CTNND2: variants seen among roughly 807,000 people sequenced by gnomAD.
CTNND2 encodes the protein catenin delta 2, also known as catenin delta-2.
A neutral mutation model predicts 144.4 loss-of-function variants in CTNND2; 22 were observed. That is an observed-to-expected ratio of 0.15 (90% CI 0.11 to 0.22). CTNND2 has a LOEUF of 0.22. Ranked by LOEUF, CTNND2 falls within the 10% of genes least tolerant of loss-of-function variation. The pLI is 1.00. For synonymous variants in CTNND2, 751 were observed against 695.6 expected, an observed-to-expected ratio of 1.08 and a Z score of -1.25; for missense variants, 1,353 against 1,618.8, an observed-to-expected ratio of 0.84 and a Z score of 2.82.
At chr5:11,051,735 A>C (rs997075337) in intron 16 of CTNND2, among the ~76,000 whole-genome samples, 6 of 152,178 alleles carry the variant, frequency 3.9e-5, no homozygotes, top group African/African-American at 1.4e-4. Context: ...ATATCCACCA[A>C]CTATTCATTA....
chr5:11,674,128 T>C (rs73743015), intron 2 of CTNND2, among the ~76,000 whole-genome samples: 1,796 of 152,322 alleles, frequency 0.012, 28 homozygotes, highest in African/African-American at 0.042. Context: ...TAAGTGTTGA[T>C]TCTTTGAATA....
In CTNND2 at chr5:11,007,703, T is replaced by C. The variant is rs146125914; in HGVS notation, c.3084+10271A>G. Among the ~76,000 whole-genome samples, 118 of 152,364 alleles carry C rather than the reference T, an allele frequency of 7.7e-4. 1 individual carries two copies. The East Asian group carries it at 0.022, about 28-fold the overall frequency. The stretch of plus-strand genomic sequence containing the variant: ...AAGGTTGAAGCCAATTGGTAATTAC[T>C]GTGGAAGTATTTCCAACGAAATGAC... On this transcript the variant is annotated intron_variant, in intron 18 of 21. Coordinates refer to ENST00000304623, the MANE Select transcript of CTNND2 (RefSeq NM_001332.4).
At chr5:11,398,281 A>G (rs1244865512) in intron 5 of CTNND2, among the ~76,000 whole-genome samples, 2 of 152,196 alleles carry the variant, frequency 1.3e-5, no homozygotes, top group African/African-American at 4.8e-5. Context: ...AGTATGAGCA[A>G]ATTTCAAGTT....
chr5:11,690,930 G>A lies in CTNND2; in HGVS notation c.174+41206C>T, dbSNP rs114071000. Among the ~76,000 whole-genome samples, 585 of 152,152 alleles carry A rather than the reference G, an allele frequency of 3.8e-3. 6 individuals are homozygous for A. Among genetic ancestry groups the A allele is most frequent in the African/African-American group, 0.013 (536 of 41,538 alleles). On this transcript the variant is annotated intron_variant, in intron 2 of 21. Transcript: ENST00000304623. ...CAGCATATTAACCTGAAAACACGTTGAAAATGAAAAGTGAAATTTTAGTTA... is the reference window on the plus strand; with the variant it reads ...CAGCATATTAACCTGAAAACACGTTAAAAATGAAAAGTGAAATTTTAGTTA...
intron 9 of CTNND2, among the ~76,000 whole-genome samples, chr5:11,269,230 C>T (rs1038444012): frequency 2.1e-4 from 32 of 152,304 alleles, no homozygotes; most frequent in African/African-American, 7.2e-4. Context: ...CGAGGCAGTG[C>T]GCTTTGAACA....
chr5:11,513,692 T>TA (rs374374416), intron 3 of CTNND2, among the ~76,000 whole-genome samples: 1,715 of 149,900 alleles, frequency 0.011, 17 homozygotes, highest in Non-Finnish European at 0.015. Context: ...GTGCGGCTGT[T>TA]AAAAAAAAAA....
chr5:11,116,022 G>C (rs969488564), intron 13 of CTNND2, among the ~76,000 whole-genome samples: 4 of 152,266 alleles, frequency 2.6e-5, no homozygotes, highest in East Asian at 1.9e-4. Flanking sequence ...TCATATTAAA[G>C]CTCTATCTAC....
intron 1 of CTNND2, among the ~76,000 whole-genome samples, chr5:11,814,341 G>A (rs534708961): frequency 2.0e-5 from 3 of 152,332 alleles, no homozygotes; most frequent in South Asian, 4.1e-4. Flanking sequence ...GTCCCCAGTG[G>A]ACAAACATCT....
In CTNND2 at chr5:11,863,269, T is replaced by C. The variant is rs542118092; in HGVS notation, c.37+40548A>G. Among the ~76,000 whole-genome samples, 4 of 152,308 alleles carry C rather than the reference T, an allele frequency of 2.6e-5. No individual in the cohort carries two copies. The East Asian group carries it at 7.7e-4, about 29-fold the overall frequency. ...ACTGTTGATTGCCAAACAATTGTTG[T>C]TTCTTAGTGTAAATGGTATATCCCG... On this transcript the variant is annotated intron_variant, in intron 1 of 21. Coordinates refer to ENST00000304623, the MANE Select transcript of CTNND2 (RefSeq NM_001332.4).
intron 3 of CTNND2, among the ~76,000 whole-genome samples, chr5:11,462,816 C>A (rs1252583952): frequency 1.3e-5 from 2 of 152,032 alleles, no homozygotes; most frequent in African/African-American, 4.8e-5. Flanking sequence ...TTTCTTAACA[C>A]TTGTCTGCAG....
rs191503455 is a variant in CTNND2, at chr5:11,213,837, T to A, written c.1762-14176A>T. Reference sequence around the variant, plus strand: ...TATGCACATATATATATATATAGTATAATGTCATACATATATAACAATGTA... The same window carrying A: ...TATGCACATATATATATATATAGTAAAATGTCATACATATATAACAATGTA... On this transcript the variant is annotated intron_variant, in intron 10 of 21. Coordinates refer to ENST00000304623, the MANE Select transcript of CTNND2 (RefSeq NM_001332.4). Among the ~76,000 whole-genome samples, 281 of 152,156 alleles carry A rather than the reference T, an allele frequency of 1.8e-3. 2 individuals are homozygous for A. Among genetic ancestry groups the A allele is most frequent in the Middle Eastern group, 6.8e-3 (2 of 292 alleles).
intron 1 of CTNND2, among the ~76,000 whole-genome samples, chr5:11,823,585 A>G (rs895200721): frequency 6.6e-6 from 1 of 152,172 alleles, no homozygotes; most frequent in African/African-American, 2.4e-5. Context: ...GCTCATTTTT[A>G]TTAGCCAAAT....
intron 11 of CTNND2, among the ~76,000 whole-genome samples, chr5:11,189,513 T>C (rs1173552640): frequency 6.6e-6 from 1 of 152,222 alleles, no homozygotes; most frequent in Non-Finnish European, 1.5e-5. Context: ...TCTTACTTAA[T>C]AAAGTGCATA....
chr5:11,059,306 T>A (rs1746669617), intron 16 of CTNND2, among the ~76,000 whole-genome samples: 1 of 152,106 alleles, frequency 6.6e-6, no homozygotes, highest in Non-Finnish European at 1.5e-5. Flanking sequence ...TGGGGGCAGG[T>A]CTTTCTTGTT....
chr5:11,122,749 G>C (rs1435012008), intron 12 of CTNND2, among the ~76,000 whole-genome samples: 6 of 152,020 alleles, frequency 3.9e-5, no homozygotes, highest in Admixed American at 3.9e-4. Context: ...GGGCTGTCTG[G>C]AGGGTGTTAG....
At chr5:11,083,401 G>A (rs1030058575) in intron 15 of CTNND2, among the ~76,000 whole-genome samples, 1 of 152,178 alleles carries the variant, frequency 6.6e-6, no homozygotes, top group African/African-American at 2.4e-5. Flanking sequence ...TGAAAAGCAA[G>A]AGTGCACATG....
chr5:11,324,434 T>G (rs1752332378), intron 9 of CTNND2, among the ~76,000 whole-genome samples: 2 of 152,206 alleles, frequency 1.3e-5, no homozygotes, highest in South Asian at 4.1e-4. Flanking sequence ...AGGGTGCATT[T>G]TAGTAAGCCA....
intron 2 of CTNND2, among the ~76,000 whole-genome samples, chr5:11,577,949 G>A (rs193060524): frequency 2.9e-4 from 44 of 152,282 alleles, no homozygotes; most frequent in African/African-American, 1.1e-3. Context: ...GTCCCTAAAT[G>A]TCCCTGTCAA....
In CTNND2 at chr5:10,972,442, C is replaced by T. The variant is rs1451370341; in HGVS notation, c.*1011G>A. 2 of 152,290 alleles carry T rather than the reference C, an allele frequency of 1.3e-5. No individual in the cohort carries two copies. The highest frequency in any genetic ancestry group is 1.9e-4 in the East Asian group (1 of 5,200). 9.4% of individuals were successfully genotyped at this position (152,290 alleles called of 1,614,324 possible). ...GTAATTTTTCTAGTACGTGGACATA[C>T]ATACACCCACACACACAGACACACA... On this transcript the variant is annotated 3_prime_UTR_variant, in exon 22 of 22. Coordinates refer to ENST00000304623, the MANE Select transcript of CTNND2 (RefSeq NM_001332.4).
Sources: allele counts gnomAD v4.1 joint callset (sites outside exome capture counted in the v4.1 genomes callset), GRCh38; gene constraint gnomAD v4.1.1; transcripts MANE v1.5; gene names NCBI Gene and HGNC (gene_info 2026-07-23, HGNC 2026-07-21).